Variants in UNC13C observed in about 807,000 individuals in gnomAD.
UNC13C encodes protein unc-13 homolog C.
A neutral mutation model predicts 245.4 loss-of-function variants in UNC13C; 174 were observed. The observed-to-expected ratio is 0.71, with a 90% CI of 0.63 to 0.80. The LOEUF is 0.80. Ranked by LOEUF, UNC13C falls within the 30% of genes least tolerant of loss-of-function variation. The pLI, the probability that UNC13C is intolerant of heterozygous loss-of-function variation, is 0.00. For missense variants in UNC13C, 2,829 were observed against 2,602.9 expected (o/e 1.09, Z -1.89); for synonymous variants, 992 against 895.1 (o/e 1.11, Z -1.93).
intron 2 of UNC13C, among the ~76,000 whole-genome samples, chr15:54,039,851 T>A (rs1034656614): frequency 6.8e-6 from 1 of 147,720 alleles, no homozygotes; most frequent in Non-Finnish European, 1.5e-5. Context: ...CAGCCCCCCA[T>A]CCTTTGCCTT....
At chr15:54,224,169 G>T (rs531636586) in intron 4 of UNC13C, among the ~76,000 whole-genome samples, 3 of 152,144 alleles carry the variant, frequency 2.0e-5, no homozygotes, top group African/African-American at 7.2e-5. Context: ...CCAGTACTAC[G>T]TTGAATAACC....
intron 19 of UNC13C, among the ~76,000 whole-genome samples, chr15:54,457,804 T>C (rs1196437961): frequency 6.6e-6 from 1 of 151,970 alleles, no homozygotes; most frequent in Non-Finnish European, 1.5e-5. Context: ...CTTTTGATTT[T>C]GTTTATCTTT....
intron 19 of UNC13C, among the ~76,000 whole-genome samples, chr15:54,428,156 GAT>G (rs1404432164): frequency 6.6e-6 from 1 of 151,762 alleles, no homozygotes; most frequent in African/African-American, 2.4e-5. Context: ...TGTAGACTCA[GAT>G]ATCTCTTTAA....
chr15:54,005,201 C>A (rs547278118), intron 1 of UNC13C, among the ~76,000 whole-genome samples: 3 of 152,090 alleles, frequency 2.0e-5, no homozygotes, highest in Admixed American at 1.3e-4. Context: ...TCAACAAAGA[C>A]CAAAATTTTA....
intron 18 of UNC13C, among the ~76,000 whole-genome samples, chr15:54,399,569 A>AAT (rs1460446641): frequency 1.3e-5 from 2 of 151,824 alleles, no homozygotes; most frequent in Non-Finnish European, 3.0e-5. Flanking sequence ...TTTCTCCAAA[A>AAT]ATATACATAC....
chr15:54,371,528 G>T (rs979387149), intron 17 of UNC13C, among the ~76,000 whole-genome samples: 1 of 152,076 alleles, frequency 6.6e-6, no homozygotes, highest in Non-Finnish European at 1.5e-5. Flanking sequence ...GCAGTTCTTA[G>T]TTCAGTAGTC....
At chr15:54,309,513 A>G (rs1381267940) in intron 13 of UNC13C, among the ~76,000 whole-genome samples, 2 of 151,810 alleles carry the variant, frequency 1.3e-5, no homozygotes, top group Non-Finnish European at 2.9e-5. Flanking sequence ...GGTTAATTCA[A>G]TCCCATTGTC....
chr15:54,314,965 T>C (rs1263166697), intron 13 of UNC13C, among the ~76,000 whole-genome samples: 1 of 151,776 alleles, frequency 6.6e-6, no homozygotes, highest in Non-Finnish European at 1.5e-5. Flanking sequence ...TCCTTCTGAC[T>C]GTGGTATGTG....
intron 17 of UNC13C, among the ~76,000 whole-genome samples, chr15:54,350,837 T>C (rs1165904280): frequency 6.6e-6 from 1 of 152,222 alleles, no homozygotes; most frequent in African/African-American, 2.4e-5. Flanking sequence ...AAACTTTCAT[T>C]CTTTAAAGAT....
At chr15:54,102,038 C>T (rs144194866) in intron 2 of UNC13C, among the ~76,000 whole-genome samples, 23 of 148,986 alleles carry the variant, frequency 1.5e-4, no homozygotes, top group African/African-American at 5.2e-4. Context: ...TCTCATTTGA[C>T]GCCTGCCTAC....
chr15:53,953,464 T>C, the UNC13C span, among the ~76,000 whole-genome samples: 1 of 152,184 alleles, frequency 6.6e-6, no homozygotes, highest in Non-Finnish European at 1.5e-5. Flanking sequence ...TCCAGGGGTG[T>C]TTCTGGAACA....
intron 17 of UNC13C, among the ~76,000 whole-genome samples, chr15:54,364,094 G>A (rs967625002): frequency 3.3e-5 from 5 of 152,120 alleles, no homozygotes; most frequent in Non-Finnish European, 7.3e-5. Context: ...CATATTGCTG[G>A]AGAACAGAAA....
chr15:54,200,536 A>T (rs1449740688), intron 4 of UNC13C, among the ~76,000 whole-genome samples: 1 of 152,206 alleles, frequency 6.6e-6, no homozygotes, highest in Admixed American at 6.6e-5. Flanking sequence ...AAACCGTGCA[A>T]ATACGTGGAA....
chr15:54,185,584 T>C (rs979642493), intron 4 of UNC13C, among the ~76,000 whole-genome samples: 11 of 150,050 alleles, frequency 7.3e-5, no homozygotes, highest in Non-Finnish European at 1.5e-4. Flanking sequence ...TAGTTGTAGA[T>C]ATGTGGCATT....
chr15:54,475,632 T>G (rs1892697009), intron 19 of UNC13C, among the ~76,000 whole-genome samples: 1 of 151,144 alleles, frequency 6.6e-6, no homozygotes, highest in Non-Finnish European at 1.5e-5. Flanking sequence ...ACAAAGGACA[T>G]GAACTCATCA....
intron 30 of UNC13C, among the ~76,000 whole-genome samples, chr15:54,585,578 A>C (rs8039286): frequency 0.051 from 7,781 of 152,264 alleles, 645 homozygotes; most frequent in African/African-American, 0.17. Flanking sequence ...AGATGCTTAT[A>C]TATTGCCTGT....
chr15:54,061,105 C>T (rs150526741), intron 2 of UNC13C, among the ~76,000 whole-genome samples: 1,690 of 119,206 alleles, frequency 0.014, 38 homozygotes, highest in African/African-American at 0.053. Context: ...TACCCTAAAA[C>T]TTAAAGTATA....
At chr15:54,283,633 G>T (rs1216862343) in intron 10 of UNC13C, among the ~76,000 whole-genome samples, 7 of 151,760 alleles carry the variant, frequency 4.6e-5, no homozygotes, top group Non-Finnish European at 8.8e-5. Flanking sequence ...AATGTAATTA[G>T]TTACAAGCAG....
chr15:54,257,828 A>C (rs1415455635), intron 8 of UNC13C, among the ~76,000 whole-genome samples: 1 of 152,206 alleles, frequency 6.6e-6, no homozygotes, highest in Non-Finnish European at 1.5e-5. Flanking sequence ...TTCCTTGAAA[A>C]GACTGAAGGC....
Sources: allele counts gnomAD v4.1 joint callset (sites outside exome capture counted in the v4.1 genomes callset), GRCh38; gene constraint gnomAD v4.1.1; transcripts MANE v1.5; gene names NCBI Gene and HGNC (gene_info 2026-07-23, HGNC 2026-07-21).